Variants in TBC1D5 observed in about 807,000 individuals in gnomAD.
TBC1D5 encodes the protein TBC1 domain family, member 5.
In TBC1D5, 75 loss-of-function variants were observed where a neutral mutation model predicts 100.3. The ratio of observed to expected loss-of-function variants is 0.75; its 90% CI spans 0.62 to 0.91. The LOEUF (loss-of-function observed/expected upper bound fraction) is 0.91, where lower values mean the gene tolerates loss of function less well. TBC1D5 is among the 40% of genes least tolerant of loss of function. The pLI, the probability that TBC1D5 is intolerant of heterozygous loss-of-function variation, is 0.00. For missense variants in TBC1D5, 910 were observed against 942.4 expected (o/e 0.97, Z 0.45); for synonymous variants, 323 against 325.6 (o/e 0.99, Z 0.09).
At chr3:17,659,951 G>C (rs1056278309) in intron 1 of TBC1D5, among the ~76,000 whole-genome samples, 4 of 151,730 alleles carry the variant, frequency 2.6e-5, no homozygotes, top group Admixed American at 2.6e-4. Flanking sequence ...CTGAGAATTT[G>C]GGCCCACAGA....
intron 3 of TBC1D5, among the ~76,000 whole-genome samples, chr3:17,455,403 C>T (rs573199793): frequency 2.1e-5 from 3 of 144,192 alleles, no homozygotes; most frequent in African/African-American, 5.1e-5. Flanking sequence ...TATACACACA[C>T]GTGTGTGTAT....
chr3:17,556,068 G>C (rs990661381), intron 2 of TBC1D5, among the ~76,000 whole-genome samples: 2 of 152,052 alleles, frequency 1.3e-5, no homozygotes, highest in Non-Finnish European at 2.9e-5. Context: ...TGTCACCCAG[G>C]CAGTGGCGCA....
chr3:17,197,344 A>C (rs1028140490), intron 18 of TBC1D5, among the ~76,000 whole-genome samples: 7 of 151,698 alleles, frequency 4.6e-5, no homozygotes, highest in Non-Finnish European at 7.4e-5. Flanking sequence ...CCTCGATCCA[A>C]TTTTCCCCAC....
intron 1 of TBC1D5, among the ~76,000 whole-genome samples, chr3:17,698,342 G>A (rs1348974077): frequency 6.6e-6 from 1 of 151,836 alleles, no homozygotes; most frequent in Non-Finnish European, 1.5e-5. Flanking sequence ...CTAGCCATAT[G>A]GAGAAAGCTG....
intron 13 of TBC1D5, among the ~76,000 whole-genome samples, chr3:17,329,607 C>A (rs890270073): frequency 6.6e-6 from 1 of 152,050 alleles, no homozygotes; most frequent in Non-Finnish European, 1.5e-5. Context: ...AAGTGAGTTA[C>A]GAAGTATATT....
In TBC1D5 at chr3:17,452,640, A is replaced by G. The variant is rs762764894; in HGVS notation, c.98-24121T>C. On this transcript the variant is annotated intron_variant, in intron 3 of 21. Transcript: ENST00000253692. ...AACAATTATAAATATATATGCATCCAGTACTGAGCATCCAACATATAAAGC... is the reference window on the plus strand; with the variant it reads ...AACAATTATAAATATATATGCATCCGGTACTGAGCATCCAACATATAAAGC... Among the ~76,000 whole-genome samples the G allele has an allele frequency of 2.6e-4, 39 of 152,338 alleles. No individual in the cohort carries two copies. The Middle Eastern group carries it at 0.01, about 40-fold the overall frequency.
intron 1 of TBC1D5, among the ~76,000 whole-genome samples, chr3:17,703,463 T>G (rs2073495719): frequency 1.3e-5 from 2 of 152,122 alleles, no homozygotes; most frequent in Non-Finnish European, 2.9e-5. Context: ...AAGTAGATTT[T>G]TAAGTAAAAG....
intron 13 of TBC1D5, among the ~76,000 whole-genome samples, chr3:17,335,956 A>G (rs1421439579): frequency 2.0e-5 from 3 of 152,104 alleles, no homozygotes; most frequent in Non-Finnish European, 4.4e-5. Flanking sequence ...CTTTCTTCCT[A>G]TGCTGCTGAC....
intron 15 of TBC1D5, among the ~76,000 whole-genome samples, chr3:17,261,487 G>C (rs1347033133): frequency 4.7e-4 from 71 of 151,272 alleles, no homozygotes; most frequent in African/African-American, 1.5e-3. Flanking sequence ...GGTGGGGTGG[G>C]GGGGGAGACA....
intron 1 of TBC1D5, among the ~76,000 whole-genome samples, chr3:17,732,023 AAC>A (rs2076601424): frequency 6.6e-6 from 1 of 152,126 alleles, no homozygotes; most frequent in South Asian, 2.1e-4. Flanking sequence ...GGTCTAAGAT[AAC>A]AGACTCTTCG....
At position 17,494,188 on chromosome 3, in the gene TBC1D5, T is replaced by C. The variant is rs1576347318; in HGVS notation, c.97+14286A>G. Among the ~76,000 whole-genome samples, 4 of 152,116 alleles carry C rather than the reference T, an allele frequency of 2.6e-5. 1 individual carries two copies. In the South Asian group the frequency reaches 8.3e-4, roughly 32 times the overall value. On this transcript the variant is annotated intron_variant, in intron 3 of 21. Coordinates refer to ENST00000253692, the Ensembl canonical transcript of TBC1D5. The stretch of plus-strand genomic sequence containing the variant: ...AGTGGCTGCTGTGGTTTGCTTGGGG[T>C]CCACCTGAGACCCTATTCGCCTGGG...
intron 3 of TBC1D5, among the ~76,000 whole-genome samples, chr3:17,480,143 C>G: frequency 6.6e-6 from 1 of 152,222 alleles, no homozygotes; most frequent in East Asian, 1.9e-4. Flanking sequence ...GTCATGCCGG[C>G]CCCCTGCCAC....
intron 1 of TBC1D5, chr3:17,672,759 G>T (rs1213995069): frequency 6.6e-6 from 1 of 152,166 alleles, no homozygotes; most frequent in Admixed American, 6.5e-5. Context: ...CTGCTCTAGT[G>T]GCATCAAATT....
chr3:17,526,903 C>T (rs1188607140), intron 2 of TBC1D5, among the ~76,000 whole-genome samples: 1 of 152,110 alleles, frequency 6.6e-6, no homozygotes, highest in Non-Finnish European at 1.5e-5. Context: ...GCTGTTTTCT[C>T]AACATGTCTG....
intron 8 of TBC1D5, among the ~76,000 whole-genome samples, chr3:17,398,171 C>T (rs1309397193): frequency 6.6e-6 from 1 of 151,952 alleles, no homozygotes; most frequent in East Asian, 1.9e-4. Flanking sequence ...AATTCAAGTT[C>T]TAAATTAGAA....
intron 1 of TBC1D5, among the ~76,000 whole-genome samples, chr3:17,705,138 A>C (rs867034981): frequency 2.6e-5 from 1 of 38,944 alleles, no homozygotes; most frequent in Admixed American, 2.6e-4. Context: ...GCGGCTGGCC[A>C]GGCGGGGGGC....
At chr3:17,173,998 C>T (rs546747630) in intron 19 of TBC1D5, among the ~76,000 whole-genome samples, 2 of 152,188 alleles carry the variant, frequency 1.3e-5, no homozygotes, top group African/African-American at 4.8e-5. Flanking sequence ...ATTCATCATG[C>T]AACCTCCAGT....
At position 17,462,517 on chromosome 3, in the gene TBC1D5, C is replaced by T. The variant is rs565556589; in HGVS notation, c.98-33998G>A. ...TATTTTTTTGTAGAGATGGAGGTCTCACTATGTTGCCCAGGCTGGTCTTGA... is the reference window on the plus strand; with the variant it reads ...TATTTTTTTGTAGAGATGGAGGTCTTACTATGTTGCCCAGGCTGGTCTTGA... On this transcript the variant is annotated intron_variant, in intron 3 of 21. Transcript: ENST00000253692. Among the ~76,000 whole-genome samples, 148 of 152,096 alleles carry T rather than the reference C, an allele frequency of 9.7e-4. 2 individuals are homozygous for T. The highest frequency in any genetic ancestry group is 1.7e-3 in the Non-Finnish European group (113 of 67,958).
intron 2 of TBC1D5, among the ~76,000 whole-genome samples, chr3:17,563,180 G>A (rs754137027): frequency 6.6e-6 from 1 of 152,168 alleles, no homozygotes; most frequent in African/African-American, 2.4e-5. Context: ...AGACAGAGAA[G>A]GTCTGAACAA....
Sources: allele counts gnomAD v4.1 joint callset (sites outside exome capture counted in the v4.1 genomes callset), GRCh38; gene constraint gnomAD v4.1.1; transcripts MANE v1.5; gene names NCBI Gene and HGNC (gene_info 2026-07-23, HGNC 2026-07-21).